CRTAC1: variants seen among roughly 807,000 people sequenced by gnomAD.
The protein encoded by CRTAC1 is acidic secreted protein in cartilage.
CRTAC1 carries 37 observed loss-of-function variants against 67.8 expected under a neutral mutation model. That is an observed-to-expected ratio of 0.55 (90% CI 0.42 to 0.72). CRTAC1 has a LOEUF of 0.72. Among genes scored for constraint, CRTAC1 ranks in the 30% least tolerant of loss-of-function variants. The pLI, the probability that CRTAC1 is intolerant of heterozygous loss-of-function variation, is 0.00. For missense variants in CRTAC1, 780 were observed against 931.6 expected, an observed-to-expected ratio of 0.84 and a Z score of 2.12; for synonymous variants, 348 against 371.0, an observed-to-expected ratio of 0.94 and a Z score of 0.71.
chr10:98,003,596 T>C (rs1473133568), intron 2 of CRTAC1, among the ~76,000 whole-genome samples: 1 of 152,218 alleles, frequency 6.6e-6, no homozygotes, highest in African/African-American at 2.4e-5. Context: ...TTTGATTACA[T>C]TGGGCCTACT....
At chr10:97,957,369 A>G (rs188535329) in intron 2 of CRTAC1, among the ~76,000 whole-genome samples, 1 of 152,282 alleles carries the variant, frequency 6.6e-6, no homozygotes, top group African/African-American at 2.4e-5. Flanking sequence ...CAGCACCAAC[A>G]TCAGCAACAT....
chr10:97,952,475 T>G (rs2051372560), intron 2 of CRTAC1, among the ~76,000 whole-genome samples: 1 of 144,762 alleles, frequency 6.9e-6, no homozygotes, highest in Non-Finnish European at 1.5e-5. Context: ...GAGATGGAGG[T>G]TGTATTGAGT....
intron 2 of CRTAC1, among the ~76,000 whole-genome samples, chr10:97,998,419 A>C (rs1842626469): frequency 1.3e-5 from 2 of 152,216 alleles, no homozygotes; most frequent in African/African-American, 4.8e-5. Context: ...TGAACGATGA[A>C]AGAGAGAGAC....
chr10:97,878,450 CT>C (rs3838741), intron 14 of CRTAC1: 140,755 of 391,546 alleles, frequency 0.36, 25,676 homozygotes, highest in Middle Eastern at 0.41. Context: ...ATGGCAGGGG[CT>C]TTTTTTTTGT....
chr10:97,958,386 C>A (rs2051473813), intron 2 of CRTAC1, among the ~76,000 whole-genome samples: 1 of 152,204 alleles, frequency 6.6e-6, no homozygotes, highest in Non-Finnish European at 1.5e-5. Flanking sequence ...ATTAGTCATC[C>A]TTTGAAGAAG....
chr10:98,016,205 AGTCTAGGAAGAAGG>A (rs1842993394), intron 1 of CRTAC1, among the ~76,000 whole-genome samples: 1 of 152,214 alleles, frequency 6.6e-6, no homozygotes, highest in South Asian at 2.1e-4. Flanking sequence ...CAAAGGGCAG[AGTCTAGGAAGAAGG>A]GGTTCTGGGT....
In CRTAC1 at chr10:98,018,090, T is replaced by C. The variant is rs933001493; in HGVS notation, c.25-6753A>G. ...AAGGGGCACCGCCTGTAATCCCAGCTACTCAGGAGGCTGAGGCAGGAATTG... is the reference window on the plus strand; with the variant it reads ...AAGGGGCACCGCCTGTAATCCCAGCCACTCAGGAGGCTGAGGCAGGAATTG... On this transcript the variant is annotated intron_variant, in intron 1 of 14. Transcript: ENST00000370597. Among the ~76,000 whole-genome samples the C allele has an allele frequency of 6.7e-5, 10 of 149,292 alleles. 1 individual carries two copies. In the South Asian group the frequency reaches 1.9e-3, roughly 29 times the overall value.
At chr10:97,937,683 A>G (rs910285903) in intron 2 of CRTAC1, among the ~76,000 whole-genome samples, 2 of 152,116 alleles carry the variant, frequency 1.3e-5, no homozygotes, top group Non-Finnish European at 2.9e-5. Flanking sequence ...ACCCTCCCAT[A>G]TGGAGAAAAC....
At chr10:97,875,624 G>C (rs2050138951) in intron 14 of CRTAC1, among the ~76,000 whole-genome samples, 1 of 152,210 alleles carries the variant, frequency 6.6e-6, no homozygotes, top group Non-Finnish European at 1.5e-5. Flanking sequence ...CAGGGAGGCA[G>C]GGAGGGGCTC....
intron 2 of CRTAC1, among the ~76,000 whole-genome samples, chr10:98,002,819 C>T (rs1564930983): frequency 7.6e-6 from 1 of 130,724 alleles, no homozygotes. Flanking sequence ...GTCTCTGTCC[C>T]CCAGGCTGGA....
At chr10:97,976,185 C>T (rs193297322) in intron 2 of CRTAC1, among the ~76,000 whole-genome samples, 1 of 152,354 alleles carries the variant, frequency 6.6e-6, no homozygotes, top group Admixed American at 6.5e-5. Context: ...AAACAAACAT[C>T]TTCAGTAGGT....
intron 2 of CRTAC1, among the ~76,000 whole-genome samples, chr10:97,956,800 C>CT (rs879751507): frequency 2.9e-3 from 423 of 144,316 alleles, no homozygotes; most frequent in African/African-American, 6.2e-3. Flanking sequence ...CTCTGGAGTT[C>CT]TTTTTTTTTT....
At position 97,944,317 on chromosome 10, in the gene CRTAC1, AGCTACTTGGGAG is replaced by A. The variant is rs375624449; in HGVS notation, c.225-7963_225-7952del. On this transcript the variant is annotated intron_variant, in intron 2 of 14. Transcript: ENST00000370597. The stretch of plus-strand genomic sequence containing the variant: ...GTGGTGGTGCACACCCTGTAATCCC[AGCTACTTGGGAG>A]GCTGAGGCAGAAGAATCGCATGAAC... 1.4e-3 allele frequency among the ~76,000 whole-genome samples: 212 copies of A among 152,220 alleles called. 2 individuals carry two copies. The highest frequency in any genetic ancestry group is 4.6e-3 in the African/African-American group (190 of 41,528).
At chr10:97,894,289 G>A (rs747307482) in intron 11 of CRTAC1, among the ~76,000 whole-genome samples, 3 of 152,158 alleles carry the variant, frequency 2.0e-5, no homozygotes, top group Non-Finnish European at 4.4e-5. Context: ...GTCAGCACTT[G>A]GTATTGTTGC....
chr10:97,872,574 G>GGTAAA (rs2050105588), intron 14 of CRTAC1, among the ~76,000 whole-genome samples: 2 of 152,302 alleles, frequency 1.3e-5, no homozygotes, highest in Admixed American at 1.3e-4. Context: ...TGAGAGATCT[G>GGTAAA]GACCTCAGGC....
At chr10:97,933,789 C>T (rs951071706) in intron 3 of CRTAC1, among the ~76,000 whole-genome samples, 1 of 152,208 alleles carries the variant, frequency 6.6e-6, no homozygotes, top group Non-Finnish European at 1.5e-5. Flanking sequence ...TGGGGCTGAG[C>T]ATGAAACTAG....
intron 2 of CRTAC1, among the ~76,000 whole-genome samples, chr10:97,999,774 C>T (rs1842652588): frequency 6.6e-6 from 1 of 152,154 alleles, no homozygotes; most frequent in African/African-American, 2.4e-5. Context: ...TGCACTTCCT[C>T]CTCTCTGAGG....
chr10:97,945,479 G>A (rs761628447), intron 2 of CRTAC1, among the ~76,000 whole-genome samples: 1 of 152,052 alleles, frequency 6.6e-6, no homozygotes, highest in Non-Finnish European at 1.5e-5. Context: ...AGCCATTTAA[G>A]TTAAATAGGA....
intron 6 of CRTAC1, among the ~76,000 whole-genome samples, chr10:97,905,141 C>T (rs942684882): frequency 6.6e-6 from 1 of 152,134 alleles, no homozygotes; most frequent in Non-Finnish European, 1.5e-5. Context: ...TCTTCCCGGC[C>T]ACCCCTAACA....
Sources: allele counts gnomAD v4.1 joint callset (sites outside exome capture counted in the v4.1 genomes callset), GRCh38; gene constraint gnomAD v4.1.1; transcripts MANE v1.5; gene names NCBI Gene and HGNC (gene_info 2026-07-23, HGNC 2026-07-21).